Variants in RGPD1 observed in about 807,000 individuals in gnomAD.
RGPD1 encodes the protein RANBP2 like and GRIP domain containing 1, also known as RANBP2-like and GRIP domain-containing protein 1.
RGPD1 carries 7 observed loss-of-function variants against 40.6 expected under a neutral mutation model. That is an observed-to-expected ratio of 0.17 (90% CI 0.10 to 0.32). RGPD1 has a LOEUF of 0.32. Among genes scored for constraint, RGPD1 ranks in the 10% least tolerant of loss-of-function variants. The pLI is 1.00. For missense variants in RGPD1, 50 were observed against 472.5 expected (o/e 0.11, Z 8.29); for synonymous variants, 24 against 167.0 (o/e 0.14, Z 6.60).
chr2:86,964,112 G>A lies in RGPD1; in HGVS notation c.975+888G>A, dbSNP rs1417875015. 3.0e-5 allele frequency among the ~76,000 whole-genome samples: 3 copies of A among 101,270 alleles called. 1 individual carries two copies. The highest frequency in any genetic ancestry group is 1.4e-4 in the African/African-American group (3 of 21,164). The allele number at this position is 101,270 out of a possible 152,430, so 66.4% of individuals were successfully genotyped here. A position where few individuals can be genotyped will look rare whatever the true frequency, so the allele number is the denominator to read the frequency against. On this transcript the variant is annotated intron_variant, in intron 7 of 22. Transcript: ENST00000641458. ...GGCTGGAGTGCAGTGGCACGATCTC[G>A]GCTCACTGCAAGCTCCACCTCCTGA... is the stretch of plus-strand genomic sequence containing the variant.
At chr2:86,932,015 CAG>C (rs1679026429) in intron 1 of RGPD1, among the ~76,000 whole-genome samples, 2 of 147,338 alleles carry the variant, frequency 1.4e-5, no homozygotes, top group Non-Finnish European at 3.0e-5. Context: ...AACATATAGA[CAG>C]AGAAGATAAT....
At chr2:86,943,645 T>C (rs1259732459) in intron 1 of RGPD1, among the ~76,000 whole-genome samples, 2 of 152,210 alleles carry the variant, frequency 1.3e-5, no homozygotes, top group Non-Finnish European at 2.9e-5. Context: ...TGATCCATTT[T>C]AAACATTTAG....
At chr2:86,914,232 G>GGCCGGGCGGCGGCGGCGGCGGCGGCCTC (rs1677622598) in intron 1 of RGPD1, among the ~76,000 whole-genome samples, 2 of 78,234 alleles carry the variant, frequency 2.6e-5, no homozygotes, top group Non-Finnish European at 5.4e-5. Context: ...GCCTCGGCCT[G>GGCCGGGCGGCGGCGGCGGCGGCGGCCTC]GCCGGGCGGC....
At chr2:86,942,560 C>CCTGGCCGGGCGGCGGCGGCGGCCTCGAT (rs1341486811) in intron 1 of RGPD1, among the ~76,000 whole-genome samples, 1 of 129,540 alleles carries the variant, frequency 7.7e-6, no homozygotes, top group Non-Finnish European at 1.7e-5. Context: ...GCGGCCTCGA[C>CCTGGCCGGGCGGCGGCGGCGGCCTCGAT]GTGGCCCGGC....
intron 1 of RGPD1, among the ~76,000 whole-genome samples, chr2:86,925,890 C>T (rs1485187720): frequency 6.6e-6 from 1 of 152,078 alleles, no homozygotes; most frequent in African/African-American, 2.4e-5. Context: ...TATATAGTGA[C>T]CATTTTGCAC....
At chr2:86,997,073 G>A (rs1429000121) in intron 21 of RGPD1, among the ~76,000 whole-genome samples, 2 of 149,762 alleles carry the variant, frequency 1.3e-5, no homozygotes, top group Non-Finnish European at 2.9e-5. Flanking sequence ...TATTTACACA[G>A]GATGCATCCT....
upstream of RGPD1, among the ~76,000 whole-genome samples, chr2:86,938,635 C>T (rs1203496952): frequency 2.0e-5 from 3 of 151,796 alleles, no homozygotes; most frequent in African/African-American, 7.3e-5. Context: ...AAAAGAATTC[C>T]TTCATTATTT....
chr2:86,945,015 C>G lies in RGPD1; in HGVS notation c.72+2707C>G, dbSNP rs146378971. On this transcript the variant is annotated intron_variant, in intron 1 of 22. Transcript: ENST00000641458. ...ACAGGTGTGAGCCACTCTGCTCAGC[C>G]TGATTTTTTTTTTTTTAAACAAGCT... Among the ~76,000 whole-genome samples, 237 of 134,600 alleles carry G rather than the reference C, an allele frequency of 1.8e-3. 9 individuals carry two copies. The East Asian group carries it at 0.049, about 28-fold the overall frequency. 88.3% of individuals were successfully genotyped at this position (134,600 alleles called of 152,430 possible).
chr2:86,939,648 C>T (rs1424566770), upstream of RGPD1, among the ~76,000 whole-genome samples: 6 of 134,640 alleles, frequency 4.5e-5, no homozygotes, highest in Non-Finnish European at 9.4e-5. Context: ...TCAACATATT[C>T]AGCATAAATG....
At chr2:86,939,580 A>G (rs1679584944), upstream of RGPD1, among the ~76,000 whole-genome samples, 1 of 128,292 alleles carries the variant, frequency 7.8e-6, no homozygotes, top group Non-Finnish European at 1.6e-5. Context: ...CTCCGTCTCA[A>G]AAAAAAAAAA....
chr2:86,943,736 C>T (rs536942954), intron 1 of RGPD1, among the ~76,000 whole-genome samples: 6 of 152,246 alleles, frequency 3.9e-5, no homozygotes, highest in East Asian at 1.9e-4. Context: ...ATTGGCGGGG[C>T]GCAGTGGCTC....
upstream of RGPD1, among the ~76,000 whole-genome samples, chr2:86,941,198 C>T (rs1186256692): frequency 2.0e-5 from 3 of 151,762 alleles, no homozygotes; most frequent in Admixed American, 6.6e-5. Flanking sequence ...AAAAGGCTCT[C>T]ACTATTAAAA....
upstream of RGPD1, among the ~76,000 whole-genome samples, chr2:86,941,220 A>G (rs1393920810): frequency 6.6e-6 from 1 of 151,472 alleles, no homozygotes; most frequent in African/African-American, 2.4e-5. Context: ...TGTTTTGTTA[A>G]ATTTTGTTTT....
chr2:86,939,327 C>T (rs536384739), upstream of RGPD1, among the ~76,000 whole-genome samples: 34 of 147,672 alleles, frequency 2.3e-4, 2 homozygotes, highest in South Asian at 5.9e-3. Flanking sequence ...CACCTGTATC[C>T]GAGCACTTTG....
intron 1 of RGPD1, among the ~76,000 whole-genome samples, chr2:86,927,180 G>C (rs938167865): frequency 2.0e-5 from 3 of 151,416 alleles, no homozygotes; most frequent in African/African-American, 4.9e-5. Flanking sequence ...ACAATATCTG[G>C]TGTGTAAATT....
intron 20 of RGPD1, among the ~76,000 whole-genome samples, chr2:86,988,234 AG>A (rs1681556374): frequency 1.5e-5 from 2 of 133,130 alleles, no homozygotes; most frequent in African/African-American, 5.8e-5. Context: ...ACTTGAGCTC[AG>A]GAGTTCGAGA....
At chr2:87,007,938 T>G (rs2104864930) in intron 22 of RGPD1, among the ~76,000 whole-genome samples, 1 of 93,538 alleles carries the variant, frequency 1.1e-5, no homozygotes, top group South Asian at 3.2e-4. Flanking sequence ...AGAAAAAAAG[T>G]TATAAATAAA....
intron 1 of RGPD1, among the ~76,000 whole-genome samples, chr2:86,943,155 C>T (rs1195769797): frequency 6.6e-6 from 1 of 151,150 alleles, no homozygotes; most frequent in Admixed American, 6.6e-5. Context: ...CATCTCAGCA[C>T]GGACATTTGC....
At chr2:86,988,471 A>G (rs1681583196) in intron 20 of RGPD1, among the ~76,000 whole-genome samples, 1 of 96,058 alleles carries the variant, frequency 1.0e-5, no homozygotes, top group African/African-American at 3.7e-5. Flanking sequence ...AAAAAAACAA[A>G]AAAAACCATG....
Sources: gnomAD v4.1 joint callset for allele counts (sites outside exome capture counted in the v4.1 genomes callset) on GRCh38, gnomAD v4.1.1 for gene constraint, MANE v1.5 for transcripts, NCBI Gene and HGNC (gene_info 2026-07-23, HGNC 2026-07-21) for gene names.